SBNO2: variants seen among roughly 807,000 people sequenced by gnomAD.
SBNO2 encodes strawberry notch homolog 2.
A neutral mutation model predicts 146.3 loss-of-function variants in SBNO2; 89 were observed. The observed-to-expected ratio is 0.61, with a 90% CI of 0.51 to 0.73. SBNO2 has a LOEUF of 0.73. SBNO2 is among the 30% of genes least tolerant of loss of function. The probability of loss-of-function intolerance (pLI) is 0.00; values close to 1 mark genes in which losing one functional copy is unlikely to be tolerated. For synonymous variants in SBNO2, 1,147 were observed against 892.6 expected (o/e 1.29, Z -5.08); for missense variants, 2,092 against 2,003.7 (o/e 1.04, Z -0.84).
At position 1,171,793 on chromosome 19, in the gene SBNO2, C is replaced by A. The variant is rs560344693; in HGVS notation, c.-127+2379G>T. Among the ~76,000 whole-genome samples, 16 of 152,242 alleles carry A rather than the reference C, an allele frequency of 1.1e-4. No homozygotes were observed. The East Asian group carries it at 2.7e-3, about 26-fold the overall frequency. On this transcript the variant is annotated intron_variant, in intron 1 of 31. Transcript: ENST00000361757. ...GGGGGTCTAGGGGTGGCTGGCGCAACCTCTCTCCACCTCGGTTTCCCCGCC... is the reference window on the plus strand; with the variant it reads ...GGGGGTCTAGGGGTGGCTGGCGCAAACTCTCTCCACCTCGGTTTCCCCGCC...
At chr19:1,165,119 C>T (rs1252071224) in intron 1 of SBNO2, among the ~76,000 whole-genome samples, 1 of 152,100 alleles carries the variant, frequency 6.6e-6, no homozygotes, top group Non-Finnish European at 1.5e-5. Flanking sequence ...ATCCAGCAAC[C>T]CCTGCGCAGC....
At chr19:1,162,040 T>C (rs1034775217) in intron 1 of SBNO2, among the ~76,000 whole-genome samples, 1 of 150,488 alleles carries the variant, frequency 6.6e-6, no homozygotes, top group Admixed American at 6.6e-5. Flanking sequence ...CCTGGGGCCT[T>C]TGCAGGCGCC....
At chr19:1,165,060 G>A (rs1451803006) in intron 1 of SBNO2, among the ~76,000 whole-genome samples, 1 of 151,996 alleles carries the variant, frequency 6.6e-6, no homozygotes, top group Admixed American at 6.6e-5. Context: ...CTGCCCTGAA[G>A]CAAACAAGGC....
intron 4 of SBNO2, among the ~76,000 whole-genome samples, chr19:1,141,541 G>C (rs528116523): frequency 3.6e-4 from 55 of 151,936 alleles, no homozygotes; most frequent in African/African-American, 1.3e-3. Context: ...ATTTTGTATA[G>C]AGATGAGGTC....
intron 1 of SBNO2, among the ~76,000 whole-genome samples, chr19:1,170,183 CGAGAGCTGATGGGGCCCACG>C: frequency 6.6e-6 from 1 of 152,328 alleles, no homozygotes; most frequent in Admixed American, 6.5e-5. Context: ...AGGCCCAGGG[CGAGAGCTGATGGGGCCCACG>C]CATCCGAAAT....
At chr19:1,141,023 T>TGGAGAAGACGCACCCC (rs543787454) in intron 4 of SBNO2, among the ~76,000 whole-genome samples, 9,458 of 148,888 alleles carry the variant, frequency 0.064, 380 homozygotes, top group East Asian at 0.13. Flanking sequence ...AGACACACCC[T>TGGAGAAGACGCACCCC]GGAGAAGACG....
At chr19:1,114,503 C>T (rs772842509) in intron 17 of SBNO2, 81 bp from the exon 18 acceptor site, 9 of 1,226,312 alleles carry the variant, frequency 7.3e-6, no homozygotes, top group Non-Finnish European at 9.9e-6. Flanking sequence ...CAGGACAGAG[C>T]AAGGCCAGTG....
rs940724346 is a variant in SBNO2, at chr19:1,114,121, G to A, written c.2077+110C>T. ...CTACAACCTGGGGTGGGTGGTGACCGCCAGGAGGCCGGGGGAGCCTCAGGC... is the reference window on the plus strand; with the variant it reads ...CTACAACCTGGGGTGGGTGGTGACCACCAGGAGGCCGGGGGAGCCTCAGGC... On this transcript the variant is annotated intron_variant, in intron 18 of 31. Transcript: ENST00000361757. 2.2e-5 allele frequency: 23 copies of A among 1,052,172 alleles called. 1 individual carries two copies. The East Asian group carries it at 3.0e-4, about 14-fold the overall frequency. The allele number at this position is 1,052,172 out of a possible 1,614,324, so 65.2% of individuals were successfully genotyped here.
In SBNO2 at chr19:1,126,021, G is replaced by A. The variant is rs2079961729; in HGVS notation, c.441+1583C>T. On this transcript the variant is annotated intron_variant, in intron 5 of 31. Coordinates refer to ENST00000361757, the MANE Select transcript of SBNO2 (RefSeq NM_014963.3). This position sits in a 1 kb window ranked among gnomAD's most constrained non-coding sequence, Gnocchi z 4.4. ...AATAAATAAGTAAATAAATAAATAA[G>A]AGCATCTCTTCTAGACCCGGTCCCC... Among the ~76,000 whole-genome samples the A allele has an allele frequency of 6.6e-6, 1 of 152,110 alleles. No homozygotes were observed. Among genetic ancestry groups the A allele is most frequent in the Admixed American group, 6.6e-5 (1 of 15,258 alleles).
At chr19:1,111,329 G>C (rs1029913695) in intron 24 of SBNO2, among the ~76,000 whole-genome samples, 177 bp downstream of exon 24, 1 of 152,278 alleles carries the variant, frequency 6.6e-6, no homozygotes, top group South Asian at 2.1e-4. Flanking sequence ...AAACCCACCC[G>C]GCAGCTGCTG....
intron 4 of SBNO2, among the ~76,000 whole-genome samples, chr19:1,143,895 C>T (rs2080162334): frequency 6.6e-6 from 1 of 152,374 alleles, no homozygotes; most frequent in East Asian, 1.9e-4. Flanking sequence ...CAGGTCCCGT[C>T]TGCCATGAGA....
rs1166652537 is a variant in SBNO2, at chr19:1,112,965, G to T, written c.2248-16C>A. On this transcript the variant is annotated splice_polypyrimidine_tract_variant and intron_variant, in intron 19 of 31. Transcript: ENST00000361757. This position sits in a 1 kb window ranked among gnomAD's most constrained non-coding sequence, Gnocchi z 5.9. ...TGCCGGTCATCTGCAGCCGAGACAGGGACAAAACCGGCCGTCAGTGTTGTG... is the reference window on the plus strand; with the variant it reads ...TGCCGGTCATCTGCAGCCGAGACAGTGACAAAACCGGCCGTCAGTGTTGTG... 1 of 1,549,344 alleles carries T rather than the reference G, an allele frequency of 6.5e-7. No individual in the cohort carries two copies. Among genetic ancestry groups the T allele is most frequent in the Admixed American group, 1.9e-5 (1 of 52,080 alleles).
At chr19:1,160,570 G>C (rs1276343458) in intron 1 of SBNO2, among the ~76,000 whole-genome samples, 1 of 152,128 alleles carries the variant, frequency 6.6e-6, no homozygotes, top group East Asian at 1.9e-4. Flanking sequence ...CTGGGTTCCA[G>C]TGATTTTTGT....
chr19:1,153,257 A>G (rs1449195453), intron 2 of SBNO2, among the ~76,000 whole-genome samples: 1 of 150,188 alleles, frequency 6.7e-6, no homozygotes, highest in Non-Finnish European at 1.5e-5. Flanking sequence ...TTTCTTTTTG[A>G]GCCACAGTTT....
chr19:1,113,049 G>T, intron 19 of SBNO2, 100 bp from the exon 20 acceptor site: 2 of 1,395,060 alleles, frequency 1.4e-6, no homozygotes, highest in Non-Finnish European at 1.9e-6. Context: ...AGTGGTCATG[G>T]GCTCCCAGCT....
chr19:1,139,525 T>C (rs151062141), intron 4 of SBNO2, among the ~76,000 whole-genome samples: 192 of 152,184 alleles, frequency 1.3e-3, no homozygotes, highest in African/African-American at 4.3e-3. Context: ...CGGGGCGTGG[T>C]GGCTCGCACC....
chr19:1,128,193 C>T (rs748237387), intron 4 of SBNO2: 12 of 492,950 alleles, frequency 2.4e-5, no homozygotes, highest in Admixed American at 1.5e-4. Flanking sequence ...CTCAGGGCCA[C>T]GCAGGACGGC....
rs775013484 is a variant in SBNO2, at chr19:1,114,349, G to A, written c.1959C>T (p.Asp653=). ...CETAGVIRIS[D]DSSTESDPGL... ...CAGGGTCCGACTCCGTGCTGCTGTC[G>A]TCACTGATGCGGATGACGCCCGCTG... The change falls in exon 18 of 32, where the codon GAC becomes GAT. Residue 653 remains aspartate, a synonymous_variant. Transcript: ENST00000361757. 84 of 1,557,540 alleles carry A rather than the reference G, an allele frequency of 5.4e-5. No homozygotes were observed. In the East Asian group the frequency reaches 1.2e-3, roughly 23 times the overall value.
chr19:1,109,552 G>T lies in SBNO2; in HGVS notation c.3170C>A (p.Ser1057Ter). The T allele has an allele frequency of 6.2e-7, 1 of 1,601,232 alleles. No individual in the cohort carries two copies. The highest frequency in any genetic ancestry group is 8.5e-7 in the Non-Finnish European group (1 of 1,175,146). The change falls in exon 28 of 32, where the codon TCG (serine) becomes TAG (stop). Residue 1057 changes from serine (S) to a stop codon, truncating the protein, a stop_gained. Transcript: ENST00000361757. LOFTEE classifies it high-confidence loss of function. This position sits in a 1 kb window ranked among gnomAD's most constrained non-coding sequence, Gnocchi z 4.2. ...GTCATAGGGGCCCGTCAGCGCCAGC[G>T]ACTTGGCAAAGGCGTCCTCCCACTT... ...GLKWEDAFAKSLALTGPYDGF... is the reference protein window; with the variant it reads ...GLKWEDAFAK
Sources: gnomAD v4.1 joint callset for allele counts (sites outside exome capture counted in the v4.1 genomes callset) on GRCh38, gnomAD v4.1.1 for gene constraint, Gnocchi (gnomAD v3.1) non-coding constraint, MANE v1.5 for transcripts, NCBI Gene and HGNC (gene_info 2026-07-23, HGNC 2026-07-21) for gene names.